NLRP14: variants seen among roughly 807,000 people sequenced by gnomAD.
The protein encoded by NLRP14 is NLR family pyrin domain containing 14.
Under a neutral mutation model 94.7 loss-of-function variants are expected in NLRP14, and 105 were observed. The observed-to-expected ratio is 1.11, with a 90% confidence interval of 0.95 to 1.30. The LOEUF is 1.30. Among genes scored for constraint, NLRP14 ranks in the 50% most tolerant of loss-of-function variants. The pLI is 0.00. For synonymous variants in NLRP14, 508 were observed against 459.9 expected, an observed-to-expected ratio of 1.10 and a Z score of -1.34; for missense variants, 1,362 against 1,254.1, an observed-to-expected ratio of 1.09 and a Z score of -1.30.
At position 7,057,833 on chromosome 11, in the gene NLRP14, TC is replaced by T. The variant is rs769312364; in HGVS notation, c.2449del (p.Leu817Ter). On this transcript the variant is annotated frameshift_variant, in exon 7 of 12. Coordinates refer to ENST00000299481, the MANE Select transcript of NLRP14 (RefSeq NM_176822.4). LOFTEE classifies it high-confidence loss of function. Reference sequence around the variant, plus strand: ...AGGCCTTAAGACATCCAAAGTGTTATCTAGAGAGACTGTCGTGAGTGTTTCT... The same window carrying T: ...AGGCCTTAAGACATCCAAAGTGTTATTAGAGAGACTGTCGTGAGTGTTTCT... ...CEALRHPKCY[L>X]ERLSLESCGL... 9.9e-6 allele frequency: 16 copies of T among 1,612,148 alleles called. No homozygotes were observed. The South Asian group carries it at 1.8e-4, about 18-fold the overall frequency.
intron 6 of NLRP14, among the ~76,000 whole-genome samples, chr11:7,050,799 G>A (rs1589865931): frequency 1.3e-5 from 2 of 152,280 alleles, no homozygotes; most frequent in Admixed American, 1.3e-4. Flanking sequence ...TTGTTAGGAG[G>A]CCAGGTCAGA....
At chr11:7,069,202 T>C (rs983958349) in intron 10 of NLRP14, among the ~76,000 whole-genome samples, 5 of 152,220 alleles carry the variant, frequency 3.3e-5, no homozygotes, top group African/African-American at 9.6e-5. Context: ...CGATGCTTTT[T>C]CCCCTAAGGA....
downstream of NLRP14, among the ~76,000 whole-genome samples, chr11:7,075,680 C>T (rs1451575561): frequency 6.6e-6 from 1 of 152,174 alleles, no homozygotes; most frequent in Non-Finnish European, 1.5e-5. Flanking sequence ...AGTATACAGT[C>T]ATTTTGAGGG....
intron 6 of NLRP14, among the ~76,000 whole-genome samples, chr11:7,050,986 G>A (rs886615629): frequency 6.6e-6 from 1 of 152,210 alleles, no homozygotes; most frequent in Non-Finnish European, 1.5e-5. Flanking sequence ...TTTTCTTACA[G>A]TGGGAGCTGT....
intron 6 of NLRP14, 42 bp from the exon 7 acceptor site, chr11:7,057,635 T>C (rs1334528449): frequency 6.3e-7 from 1 of 1,581,172 alleles, no homozygotes; most frequent in South Asian, 1.1e-5. Context: ...GTAATTATTC[T>C]CTAAGGAGTG....
chr11:7,061,663 G>A (rs1852624107), intron 9 of NLRP14, among the ~76,000 whole-genome samples: 1 of 152,034 alleles, frequency 6.6e-6, no homozygotes, highest in Admixed American at 6.6e-5. Flanking sequence ...AACAGTCTCA[G>A]GGATTGAGGC....
At chr11:7,083,215 C>G in the NLRP14 span, among the ~76,000 whole-genome samples, 89 of 152,356 alleles carry the variant, frequency 5.8e-4, 1 homozygote, top group African/African-American at 2.1e-3. Context: ...AGTGTGAGCA[C>G]ACATTTGCAA....
the NLRP14 span, among the ~76,000 whole-genome samples, chr11:7,085,305 T>A: frequency 6.6e-6 from 1 of 152,350 alleles, no homozygotes; most frequent in African/African-American, 2.4e-5. Context: ...GTGTTAAGTG[T>A]ATTCATACTG....
the NLRP14 span, among the ~76,000 whole-genome samples, chr11:7,086,303 G>A: frequency 2.0e-5 from 3 of 152,078 alleles, no homozygotes; most frequent in Non-Finnish European, 2.9e-5. Context: ...ATTAATGTCC[G>A]AGATTGAGCT....
chr11:7,077,370 A>G, the NLRP14 span, among the ~76,000 whole-genome samples: 6 of 152,216 alleles, frequency 3.9e-5, no homozygotes, highest in Non-Finnish European at 8.8e-5. Flanking sequence ...CTTTGCCCGC[A>G]GGGGGCAATT....
intron 1 of NLRP14, among the ~76,000 whole-genome samples, chr11:7,029,106 T>C (rs1053313016): frequency 2.6e-5 from 4 of 152,120 alleles, no homozygotes; most frequent in African/African-American, 9.7e-5. Context: ...TTGGGAGGGA[T>C]TGATGTAAGT....
At chr11:7,022,318 T>C (rs1388530) in intron 1 of NLRP14, among the ~76,000 whole-genome samples, 23,185 of 152,192 alleles carry the variant, frequency 0.15, 2,171 homozygotes, top group Non-Finnish European at 0.21. Flanking sequence ...GTACCCAGGG[T>C]AGGAGTGAAG....
At chr11:7,045,681 A>G (rs1565018128) in intron 4 of NLRP14, among the ~76,000 whole-genome samples, 2 of 152,080 alleles carry the variant, frequency 1.3e-5, no homozygotes. Context: ...GGGAATGAAT[A>G]TTTATTGACT....
the NLRP14 span, among the ~76,000 whole-genome samples, chr11:7,083,707 C>T: frequency 2.6e-5 from 4 of 152,150 alleles, no homozygotes; most frequent in East Asian, 7.7e-4. Context: ...TTGCTGCAGG[C>T]CCCCAGTGTC....
At chr11:7,050,831 C>T (rs1852432399) in intron 6 of NLRP14, among the ~76,000 whole-genome samples, 1 of 152,158 alleles carries the variant, frequency 6.6e-6, no homozygotes, top group Non-Finnish European at 1.5e-5. Context: ...ACCTACTAAG[C>T]AGTTTTAAGA....
At position 7,046,919 on chromosome 11, in the gene NLRP14, A is replaced by G. The variant is rs554391506; in HGVS notation, c.2123+87A>G. 11 of 961,818 alleles carry G rather than the reference A, an allele frequency of 1.1e-5. No individual in the cohort carries two copies. In the South Asian group the frequency reaches 1.3e-4, roughly 11 times the overall value. 59.6% of individuals were successfully genotyped at this position (961,818 alleles called of 1,614,324 possible). A position where few individuals can be genotyped will look rare whatever the true frequency, so the allele number is the denominator to read the frequency against. On this transcript the variant is annotated intron_variant, in intron 5 of 11. Coordinates refer to ENST00000299481, the MANE Select transcript of NLRP14 (RefSeq NM_176822.4). ...CACTCATACTCGTTAGGGGAAGCCA[A>G]TGCTAAACAAATACTTACAATCCAT...
chr11:7,053,634 T>G (rs981297486), intron 6 of NLRP14, among the ~76,000 whole-genome samples: 2 of 150,694 alleles, frequency 1.3e-5, no homozygotes, highest in East Asian at 3.9e-4. Flanking sequence ...GGATTTTGTA[T>G]TTTTTTTTAC....
the NLRP14 span, among the ~76,000 whole-genome samples, chr11:7,082,127 A>G: frequency 3.9e-5 from 6 of 152,140 alleles, no homozygotes; most frequent in African/African-American, 1.4e-4. Flanking sequence ...AACCAAATAT[A>G]TATATTTTTG....
intron 6 of NLRP14, among the ~76,000 whole-genome samples, chr11:7,054,058 T>C (rs1157184280): frequency 6.6e-6 from 1 of 152,174 alleles, no homozygotes; most frequent in Non-Finnish European, 1.5e-5. Flanking sequence ...ACATGGAAAG[T>C]TTGTCTTTCT....
Sources: allele counts gnomAD v4.1 joint callset (sites outside exome capture counted in the v4.1 genomes callset), GRCh38; gene constraint gnomAD v4.1.1; transcripts MANE v1.5; gene names NCBI Gene and HGNC (gene_info 2026-07-23, HGNC 2026-07-21).